The following KLHL32 variants were observed in gnomAD, a reference collection of about 807,000 sequenced individuals.
The protein encoded by KLHL32 is kelch like family member 32.
KLHL32 carries 35 observed loss-of-function variants against 64.8 expected under a neutral mutation model. The observed-to-expected ratio is 0.54, with a 90% CI of 0.41 to 0.72. The LOEUF is 0.72. KLHL32 is among the 30% of genes least tolerant of loss of function. The pLI is 0.00. For missense variants in KLHL32, 589 were observed against 768.5 expected (o/e 0.77, Z 2.76); for synonymous variants, 259 against 281.0 (o/e 0.92, Z 0.78).
In KLHL32 at chr6:97,115,147, C is replaced by T. The variant is rs527925736; in HGVS notation, c.1354+638C>T. ...CCTCCCACCTCAGCTTCCCAAATAGCTGGGACTACAGGAGCACACCACCAC... is the reference window on the plus strand; with the variant it reads ...CCTCCCACCTCAGCTTCCCAAATAGTTGGGACTACAGGAGCACACCACCAC... On this transcript the variant is annotated intron_variant, in intron 7 of 10. Transcript: ENST00000369261. Among the ~76,000 whole-genome samples, 11 of 152,252 alleles carry T rather than the reference C, an allele frequency of 7.2e-5. No homozygotes were observed. The East Asian group carries it at 2.1e-3, about 29-fold the overall frequency.
chr6:97,027,201 CT>C (rs1782852996), intron 3 of KLHL32, among the ~76,000 whole-genome samples: 1 of 151,266 alleles, frequency 6.6e-6, no homozygotes, highest in Non-Finnish European at 1.5e-5. Flanking sequence ...GATAACAGAT[CT>C]TATGGATGAC....
intron 6 of KLHL32, among the ~76,000 whole-genome samples, chr6:97,091,431 G>T (rs369526756): frequency 6.6e-6 from 1 of 152,140 alleles, no homozygotes; most frequent in Non-Finnish European, 1.5e-5. Context: ...TGTCCTGTGG[G>T]GTACTACTAT....
chr6:96,967,561 G>A (rs539165746), intron 2 of KLHL32, among the ~76,000 whole-genome samples: 1 of 151,976 alleles, frequency 6.6e-6, no homozygotes, highest in East Asian at 1.9e-4. Flanking sequence ...GGAGTACAAT[G>A]CTTATTCTCA....
At chr6:96,952,394 A>C (rs904282291) in intron 1 of KLHL32, among the ~76,000 whole-genome samples, 5 of 152,180 alleles carry the variant, frequency 3.3e-5, no homozygotes, top group Non-Finnish European at 7.4e-5. Flanking sequence ...GCCTATGGTA[A>C]AATTGAAACT....
At chr6:97,073,942 G>A (rs970694705) in intron 5 of KLHL32, among the ~76,000 whole-genome samples, 20 of 152,084 alleles carry the variant, frequency 1.3e-4, no homozygotes, top group African/African-American at 4.3e-4. Context: ...GCACATCAAG[G>A]GGCATGTGCC....
intron 7 of KLHL32, among the ~76,000 whole-genome samples, chr6:97,122,648 T>C (rs1798484639): frequency 6.6e-6 from 1 of 152,192 alleles, no homozygotes; most frequent in African/African-American, 2.4e-5. Flanking sequence ...GGAGAAAGTT[T>C]ATGGAAATGG....
intron 7 of KLHL32, among the ~76,000 whole-genome samples, chr6:97,118,341 G>A (rs539247689): frequency 1.2e-4 from 19 of 152,248 alleles, no homozygotes; most frequent in Admixed American, 2.6e-4. Flanking sequence ...GACAAAGGCC[G>A]GGTGCAGTGG....
chr6:97,053,362 C>T (rs1787258783), intron 4 of KLHL32, among the ~76,000 whole-genome samples: 1 of 152,116 alleles, frequency 6.6e-6, no homozygotes, highest in South Asian at 2.1e-4. Flanking sequence ...AATGAAGTGC[C>T]TCCAAATTCC....
intron 3 of KLHL32, among the ~76,000 whole-genome samples, chr6:96,981,019 C>A (rs747911901): frequency 7.3e-6 from 1 of 136,406 alleles, no homozygotes; most frequent in Non-Finnish European, 1.6e-5. Context: ...GGGGGGCAGG[C>A]GGGGGAAAAG....
At position 97,075,644 on chromosome 6, in the gene KLHL32, C is replaced by T. The variant is rs78866194; in HGVS notation, c.412-9482C>T. Among the ~76,000 whole-genome samples the T allele has an allele frequency of 8.5e-3, 1,291 of 152,212 alleles. 19 individuals carry two copies. The highest frequency in any genetic ancestry group is 0.028 in the African/African-American group (1,175 of 41,534). On this transcript the variant is annotated intron_variant, in intron 5 of 10. Transcript: ENST00000369261. The stretch of plus-strand genomic sequence containing the variant: ...TTTCAACCTGTTCCAAAGGCCAGAC[C>T]TTACCGCACATCCACACCAGCCCCC...
rs1785320945 is a variant in KLHL32, at chr6:97,042,756, C to A, written c.312+1157C>A. On this transcript the variant is annotated intron_variant, in intron 4 of 10. Coordinates refer to ENST00000369261, the MANE Select transcript of KLHL32 (RefSeq NM_052904.4). ...GCTTATTCCTGCTGTCTAACTGAAA[C>A]TATATACCCTTTGATCAACATCTCC... Among the ~76,000 whole-genome samples, 3 of 152,134 alleles carry A rather than the reference C, an allele frequency of 2.0e-5. No homozygotes were observed. In the South Asian group the frequency reaches 6.2e-4, roughly 32 times the overall value.
Position 97,132,655 on chromosome 6 carries a change from C to A in KLHL32, c.1609C>A (p.Gln537Lys). 6.2e-7 allele frequency: 1 copy of A among 1,603,832 alleles called. No homozygotes were observed. The change falls in exon 10 of 11, where the codon CAA becomes AAA. Residue 537 changes from glutamine (Q) to lysine (K), a missense_variant and splice_region_variant. Physicochemically the swap from Gln to Lys is moderately conservative, Grantham distance 53. Around this residue, in one of 3 missense-constraint regions of KLHL32, gnomAD observed 172 missense variants for 192.0 expected, o/e 0.90. Coordinates refer to ENST00000369261, the MANE Select transcript of KLHL32 (RefSeq NM_052904.4). ...TRCNFNLLTG[Q>K]NESGVAVHNG... ...TTATTCAATTCTCTTTACTTTAGGC[C>A]AAAATGAATCTGGAGTTGCTGTCCA...
intron 1 of KLHL32, among the ~76,000 whole-genome samples, chr6:96,933,237 G>A (rs991324583): frequency 1.3e-5 from 2 of 152,128 alleles, no homozygotes; most frequent in Non-Finnish European, 2.9e-5. Flanking sequence ...CTCAAAACAC[G>A]TGCCTTGATT....
At chr6:97,041,301 T>G (rs1425162922) in intron 3 of KLHL32, among the ~76,000 whole-genome samples, 191 bp from the exon 4 acceptor site, 1 of 152,224 alleles carries the variant, frequency 6.6e-6, no homozygotes, top group Non-Finnish European at 1.5e-5. Context: ...GTGTGTGTTG[T>G]TATTGCAACT....
intron 6 of KLHL32, among the ~76,000 whole-genome samples, chr6:97,103,344 G>A (rs530500396): frequency 2.0e-5 from 3 of 151,882 alleles, no homozygotes; most frequent in African/African-American, 7.2e-5. Context: ...CTCCTGAGCA[G>A]CTGGGACTAT....
At chr6:96,974,475 G>A (rs2128042381) in intron 2 of KLHL32, among the ~76,000 whole-genome samples, 1 of 152,152 alleles carries the variant, frequency 6.6e-6, no homozygotes, top group East Asian at 1.9e-4. Context: ...CCTATAGCTT[G>A]AGCTACTAGA....
intron 1 of KLHL32, among the ~76,000 whole-genome samples, chr6:96,953,800 A>C (rs1399955165): frequency 6.6e-6 from 1 of 151,410 alleles, no homozygotes; most frequent in African/African-American, 2.4e-5. Context: ...TATATAATCA[A>C]ACCATGATTA....
chr6:96,926,905 T>C (rs1769230195), intron 1 of KLHL32, among the ~76,000 whole-genome samples: 1 of 152,232 alleles, frequency 6.6e-6, no homozygotes, highest in Non-Finnish European at 1.5e-5. Context: ...TGTGGCCTGC[T>C]AGTTAGCAAC....
chr6:96,982,076 A>G (rs555823253), intron 3 of KLHL32, among the ~76,000 whole-genome samples: 6 of 152,170 alleles, frequency 3.9e-5, no homozygotes, highest in African/African-American at 1.4e-4. Flanking sequence ...CCATTCAGTC[A>G]AGTGTTGAGT....
Sources: allele counts gnomAD v4.1 joint callset (sites outside exome capture counted in the v4.1 genomes callset), GRCh38; gene constraint gnomAD v4.1.1; regional missense constraint gnomAD v4.1.1; transcripts MANE v1.5; gene names NCBI Gene and HGNC (gene_info 2026-07-23, HGNC 2026-07-21).